CAMK2D: variants seen among roughly 807,000 people sequenced by gnomAD.
CAMK2D encodes calcium/calmodulin-dependent protein kinase type II subunit delta.
CAMK2D carries 37 observed loss-of-function variants against 84.0 expected under a neutral mutation model. The ratio of observed to expected loss-of-function variants is 0.44; its 90% CI spans 0.34 to 0.58. CAMK2D has a LOEUF of 0.58. CAMK2D is among the 20% of genes least tolerant of loss of function. CAMK2D has a pLI of 0.02. For missense variants in CAMK2D, 448 were observed against 652.5 expected (o/e 0.69, Z 3.41); for synonymous variants, 202 against 212.5 (o/e 0.95, Z 0.43).
chr4:113,745,455 T>C (rs146559313), intron 2 of CAMK2D, among the ~76,000 whole-genome samples: 6 of 152,334 alleles, frequency 3.9e-5, no homozygotes, highest in Non-Finnish European at 8.8e-5. Context: ...TAATTATCTA[T>C]GTATGTCTCC....
At chr4:113,556,400 T>C (rs1313123983) in intron 4 of CAMK2D, among the ~76,000 whole-genome samples, 1 of 152,054 alleles carries the variant, frequency 6.6e-6, no homozygotes, top group Non-Finnish European at 1.5e-5. Flanking sequence ...CTGGGAAGAA[T>C]ACAGACATAA....
intron 8 of CAMK2D, among the ~76,000 whole-genome samples, chr4:113,523,843 T>A (rs1009640377): frequency 9.5e-5 from 10 of 105,008 alleles, no homozygotes; most frequent in African/African-American, 2.9e-4. Context: ...AAACAGATCT[T>A]TTTTTTTGTT....
intron 2 of CAMK2D, among the ~76,000 whole-genome samples, chr4:113,709,241 C>A (rs1222906871): frequency 6.6e-6 from 1 of 151,942 alleles, no homozygotes; most frequent in Non-Finnish European, 1.5e-5. Context: ...GCTTTTCCTG[C>A]AGAGAAATTT....
At chr4:113,600,797 AC>A (rs2098948665) in intron 4 of CAMK2D, among the ~76,000 whole-genome samples, 1 of 150,918 alleles carries the variant, frequency 6.6e-6, no homozygotes, top group South Asian at 2.1e-4. Context: ...CACACCAGCT[AC>A]TTTGTAAAAA....
chr4:113,502,669 A>C (rs1357782645), intron 15 of CAMK2D, among the ~76,000 whole-genome samples: 1 of 152,152 alleles, frequency 6.6e-6, no homozygotes, highest in African/African-American at 2.4e-5. Context: ...CTTAAGACAC[A>C]CAGTCATCTT....
At chr4:113,751,507 A>C (rs1188630632) in intron 2 of CAMK2D, among the ~76,000 whole-genome samples, 2 of 152,150 alleles carry the variant, frequency 1.3e-5, no homozygotes, top group Non-Finnish European at 2.9e-5. Flanking sequence ...TGCGGCGGCT[A>C]ACACCTGTAA....
chr4:113,534,761 T>C (rs1160433876), intron 7 of CAMK2D, among the ~76,000 whole-genome samples: 13 of 152,216 alleles, frequency 8.5e-5, no homozygotes, highest in Non-Finnish European at 4.4e-5. Flanking sequence ...TTCTATGGAC[T>C]ATTTCACTCA....
intron 2 of CAMK2D, among the ~76,000 whole-genome samples, chr4:113,671,727 C>T (rs566637975): frequency 6.6e-6 from 1 of 152,280 alleles, no homozygotes; most frequent in African/African-American, 2.4e-5. Context: ...GAAATACACC[C>T]ACCTCCCAGT....
chr4:113,567,011 T>C (rs1418101192), intron 4 of CAMK2D, among the ~76,000 whole-genome samples: 1 of 152,050 alleles, frequency 6.6e-6, no homozygotes, highest in Non-Finnish European at 1.5e-5. Context: ...ATAGCAGGCA[T>C]GCAATAAACG....
intron 2 of CAMK2D, among the ~76,000 whole-genome samples, chr4:113,747,305 C>CTTTTTTTTTTTTTTTTTTTTTTTTTTTT (rs56062730): frequency 8.7e-6 from 1 of 114,500 alleles, no homozygotes; most frequent in Admixed American, 9.5e-5. Context: ...GAATTTTGAA[C>CTTTTTTTTTTTTTTTTTTTTTTTTTTTT]TTTTTTTTTT....
chr4:113,612,572 T>C (rs530254914), intron 3 of CAMK2D, among the ~76,000 whole-genome samples: 1 of 152,288 alleles, frequency 6.6e-6, no homozygotes, highest in African/African-American at 2.4e-5. Context: ...GCTGCACATA[T>C]GAGTGGACGC....
intron 16 of CAMK2D, among the ~76,000 whole-genome samples, chr4:113,492,223 A>G (rs2154139950): frequency 6.6e-6 from 1 of 151,716 alleles, no homozygotes; most frequent in Admixed American, 6.6e-5. Flanking sequence ...AGTTCTTTTA[A>G]TTGTGATGTT....
At chr4:113,669,684 T>C (rs1436942825) in intron 2 of CAMK2D, among the ~76,000 whole-genome samples, 1 of 152,204 alleles carries the variant, frequency 6.6e-6, no homozygotes, top group East Asian at 1.9e-4. Context: ...GTGTCTGTCA[T>C]TCTGTTAACA....
intron 2 of CAMK2D, among the ~76,000 whole-genome samples, chr4:113,686,750 C>T (rs562773586): frequency 2.6e-5 from 4 of 152,168 alleles, no homozygotes; most frequent in Non-Finnish European, 4.4e-5. Context: ...TATTTCTCAA[C>T]GAGAGCCATT....
Position 113,643,078 on chromosome 4 carries a change from T to A in CAMK2D, c.220+18635A>T, listed in dbSNP as rs563918524. Among the ~76,000 whole-genome samples, 64 of 152,322 alleles carry A rather than the reference T, an allele frequency of 4.2e-4. No individual in the cohort carries two copies. The South Asian group carries it at 0.013, about 31-fold the overall frequency. ...AAAAGAAGAGCAGAAACTATCTGTG[T>A]CCTATAAATCAAGATTAGAAATTAA... On this transcript the variant is annotated intron_variant, in intron 3 of 20. Transcript: ENST00000511664.
At chr4:113,750,748 C>T (rs1205799564) in intron 2 of CAMK2D, among the ~76,000 whole-genome samples, 13 of 152,160 alleles carry the variant, frequency 8.5e-5, no homozygotes, top group African/African-American at 2.9e-4. Flanking sequence ...GAGTAGCTCA[C>T]GCCTGTAATC....
intron 16 of CAMK2D, among the ~76,000 whole-genome samples, chr4:113,495,263 C>T (rs13128941): frequency 0.51 from 76,836 of 152,060 alleles, 19,964 homozygotes; most frequent in African/African-American, 0.58. Context: ...TCCTCTAAGA[C>T]ATTTTTAACC....
intron 2 of CAMK2D, among the ~76,000 whole-genome samples, chr4:113,724,922 TG>T (rs2099541429): frequency 6.6e-6 from 1 of 152,046 alleles, no homozygotes; most frequent in Non-Finnish European, 1.5e-5. Flanking sequence ...ACCAATACAG[TG>T]GTCAAAATTC....
At chr4:113,728,726 C>G (rs563255952) in intron 2 of CAMK2D, among the ~76,000 whole-genome samples, 1 of 152,108 alleles carries the variant, frequency 6.6e-6, no homozygotes, top group African/African-American at 2.4e-5. Context: ...CTGGGAAGTT[C>G]CTTACCTTCT....
Sources: gnomAD v4.1 joint callset for allele counts (sites outside exome capture counted in the v4.1 genomes callset) on GRCh38, gnomAD v4.1.1 for gene constraint, MANE v1.5 for transcripts, NCBI Gene and HGNC (gene_info 2026-07-23, HGNC 2026-07-21) for gene names.